RBMS3: variants seen among roughly 807,000 people sequenced by gnomAD.
RBMS3 encodes the protein RNA-binding motif, single-stranded-interacting protein 3.
A neutral mutation model predicts 66.8 loss-of-function variants in RBMS3; 27 were observed. The observed-to-expected ratio is 0.40, with a 90% CI of 0.30 to 0.56. The LOEUF is 0.56. RBMS3 is among the 20% of genes least tolerant of loss of function. The probability of loss-of-function intolerance (pLI) is 0.40; values close to 1 mark genes in which losing one functional copy is unlikely to be tolerated. For synonymous variants in RBMS3, 188 were observed against 183.0 expected, an observed-to-expected ratio of 1.03 and a Z score of -0.22; for missense variants, 513 against 549.5, an observed-to-expected ratio of 0.93 and a Z score of 0.66.
At chr3:29,594,483 C>T (rs924909487) in intron 4 of RBMS3, among the ~76,000 whole-genome samples, 2 of 152,140 alleles carry the variant, frequency 1.3e-5, no homozygotes, top group Non-Finnish European at 2.9e-5. Flanking sequence ...TCTTGAATGA[C>T]TGATGCAATG....
In RBMS3 at chr3:29,906,555, C is replaced by T. The variant is rs574292650; in HGVS notation, c.939+6800C>T. Among the ~76,000 whole-genome samples, 85 of 152,150 alleles carry T rather than the reference C, an allele frequency of 5.6e-4. 1 individual carries two copies. In the South Asian group the frequency reaches 0.014, roughly 25 times the overall value. ...TGTAACACATGAAATAAATATTCTT[C>T]GGCATTGCAATTATAAAAATTTTAT... On this transcript the variant is annotated intron_variant, in intron 10 of 14. Transcript: ENST00000383767.
intron 3 of RBMS3, among the ~76,000 whole-genome samples, chr3:29,568,040 G>T (rs894625019): frequency 1.3e-5 from 2 of 152,100 alleles, no homozygotes; most frequent in Non-Finnish European, 2.9e-5. Flanking sequence ...TTTTCCAAGG[G>T]TTATGAGACT....
intron 12 of RBMS3, among the ~76,000 whole-genome samples, chr3:29,965,675 G>C (rs1013482146): frequency 6.6e-6 from 1 of 151,984 alleles, no homozygotes; most frequent in Non-Finnish European, 1.5e-5. Context: ...CCGTTCTGTG[G>C]GTTTTCTGTT....
intron 6 of RBMS3, among the ~76,000 whole-genome samples, chr3:29,855,941 C>T (rs937332256): frequency 1.3e-5 from 2 of 151,808 alleles, no homozygotes; most frequent in African/African-American, 4.8e-5. Flanking sequence ...ACCCTATACT[C>T]GAGAGACATT....
At chr3:29,730,654 A>T (rs2054090515) in intron 4 of RBMS3, among the ~76,000 whole-genome samples, 1 of 152,122 alleles carries the variant, frequency 6.6e-6, no homozygotes, top group African/African-American at 2.4e-5. Context: ...CTCAGAGTTC[A>T]TAGCAGGTGG....
At chr3:29,804,952 T>C (rs2057500138) in intron 6 of RBMS3, among the ~76,000 whole-genome samples, 2 of 140,560 alleles carry the variant, frequency 1.4e-5, no homozygotes, top group East Asian at 3.9e-4. Flanking sequence ...TGTGTGTGTG[T>C]GTGTGGCAAA....
chr3:29,785,521 G>A (rs192927608), intron 6 of RBMS3, among the ~76,000 whole-genome samples: 3 of 152,058 alleles, frequency 2.0e-5, no homozygotes, highest in Non-Finnish European at 2.9e-5. Context: ...ATCACATTAC[G>A]TGACTTCATA....
At chr3:29,379,912 T>C (rs1438377358) in intron 1 of RBMS3, among the ~76,000 whole-genome samples, 1 of 152,048 alleles carries the variant, frequency 6.6e-6, no homozygotes, top group Non-Finnish European at 1.5e-5. Flanking sequence ...TAGAAAATAA[T>C]GAGGAAGACT....
At chr3:29,407,745 T>C (rs1376071360) in intron 1 of RBMS3, among the ~76,000 whole-genome samples, 2 of 152,206 alleles carry the variant, frequency 1.3e-5, no homozygotes, top group African/African-American at 2.4e-5. Context: ...GTTAGCACAG[T>C]CTTATTTTAC....
chr3:29,893,957 C>T (rs191373145), intron 8 of RBMS3, among the ~76,000 whole-genome samples: 1 of 151,636 alleles, frequency 6.6e-6, no homozygotes, highest in African/African-American at 2.4e-5. Flanking sequence ...TCTACTATCT[C>T]CCAGGCTCTG....
chr3:29,640,008 C>G (rs931640640), intron 4 of RBMS3, among the ~76,000 whole-genome samples: 6 of 151,906 alleles, frequency 3.9e-5, no homozygotes, highest in African/African-American at 1.4e-4. Context: ...TAATCCCCTC[C>G]TATGCCCTGA....
intron 3 of RBMS3, among the ~76,000 whole-genome samples, chr3:29,514,665 A>ATG (rs2044545676): frequency 2.1e-5 from 3 of 143,812 alleles, no homozygotes; most frequent in African/African-American, 7.8e-5. Context: ...ATATATATAT[A>ATG]TATATATATA....
At chr3:29,670,771 G>A (rs899597297) in intron 4 of RBMS3, among the ~76,000 whole-genome samples, 5 of 152,206 alleles carry the variant, frequency 3.3e-5, no homozygotes, top group African/African-American at 7.2e-5. Context: ...ACTGGGTGGA[G>A]CCCACCCCAG....
chr3:29,882,831 C>T (rs2059768638), intron 7 of RBMS3, among the ~76,000 whole-genome samples: 1 of 151,984 alleles, frequency 6.6e-6, no homozygotes, highest in South Asian at 2.1e-4. Context: ...TTTAAAATGT[C>T]TATGGTTTCT....
chr3:29,688,466 T>C (rs1378164458), intron 4 of RBMS3, among the ~76,000 whole-genome samples: 1 of 151,762 alleles, frequency 6.6e-6, no homozygotes, highest in Non-Finnish European at 1.5e-5. Context: ...TGGAAGAGGG[T>C]AGATCCCACA....
At chr3:29,861,100 T>G (rs2059204554) in intron 6 of RBMS3, among the ~76,000 whole-genome samples, 1 of 152,106 alleles carries the variant, frequency 6.6e-6, no homozygotes, top group Non-Finnish European at 1.5e-5. Context: ...TCTGACCTCG[T>G]GATCATTTGT....
intron 1 of RBMS3, among the ~76,000 whole-genome samples, chr3:29,366,284 C>A (rs1471119899): frequency 6.6e-6 from 1 of 152,182 alleles, no homozygotes; most frequent in Admixed American, 6.6e-5. Context: ...GCCATGCAGA[C>A]ATTACCCAAA....
At chr3:29,512,251 C>A (rs2044442518) in intron 3 of RBMS3, among the ~76,000 whole-genome samples, 1 of 151,792 alleles carries the variant, frequency 6.6e-6, no homozygotes, top group Non-Finnish European at 1.5e-5. Context: ...TAATTTAATT[C>A]TAAATAAATA....
intron 12 of RBMS3, among the ~76,000 whole-genome samples, chr3:29,971,286 C>T (rs1436629227): frequency 6.6e-6 from 1 of 152,144 alleles, no homozygotes; most frequent in African/African-American, 2.4e-5. Flanking sequence ...GAGTACTCCA[C>T]AGCCCCATGT....
Sources: gnomAD v4.1 joint callset for allele counts (sites outside exome capture counted in the v4.1 genomes callset) on GRCh38, gnomAD v4.1.1 for gene constraint, MANE v1.5 for transcripts, NCBI Gene and HGNC (gene_info 2026-07-23, HGNC 2026-07-21) for gene names.